The following FAT3 variants were observed in gnomAD, a reference collection of about 807,000 sequenced individuals.
FAT3 encodes the protein protocadherin Fat 3.
A neutral mutation model predicts 310.2 loss-of-function variants in FAT3; 95 were observed. The observed-to-expected ratio is 0.31, with a 90% CI of 0.26 to 0.36. FAT3 has a LOEUF of 0.36. Ranked by LOEUF, FAT3 falls within the 10% of genes least tolerant of loss-of-function variation. The pLI, the probability that FAT3 is intolerant of heterozygous loss-of-function variation, is 1.00. For missense variants in FAT3, 5,408 were observed against 5,715.6 expected (o/e 0.95, Z 1.74); for synonymous variants, 2,314 against 2,192.9 (o/e 1.06, Z -1.54).
intron 3 of FAT3, among the ~76,000 whole-genome samples, chr11:92,614,588 T>A (rs1270751793): frequency 6.6e-6 from 1 of 152,224 alleles, no homozygotes; most frequent in Non-Finnish European, 1.5e-5. Context: ...ATATAGCCGC[T>A]CATTTGGTAT....
chr11:92,858,478 C>T (rs998145120), intron 20 of FAT3, among the ~76,000 whole-genome samples: 9 of 152,118 alleles, frequency 5.9e-5, no homozygotes, highest in Non-Finnish European at 1.3e-4. Flanking sequence ...CCACATATTC[C>T]ACCTTTCCCC....
At chr11:92,681,065 A>G (rs548111673) in intron 3 of FAT3, among the ~76,000 whole-genome samples, 33 of 152,388 alleles carry the variant, frequency 2.2e-4, no homozygotes, top group African/African-American at 7.5e-4. Flanking sequence ...TTATATAGAC[A>G]TTCATTCTTT....
intron 3 of FAT3, among the ~76,000 whole-genome samples, chr11:92,597,213 T>C (rs937741585): frequency 6.6e-6 from 1 of 152,230 alleles, no homozygotes; most frequent in African/African-American, 2.4e-5. Flanking sequence ...CTTGACATAA[T>C]TATCTGTCAC....
chr11:92,477,277 G>A (rs1952074622), intron 2 of FAT3, among the ~76,000 whole-genome samples: 1 of 152,156 alleles, frequency 6.6e-6, no homozygotes, highest in African/African-American at 2.4e-5. Context: ...GGAGTTTCTG[G>A]TGTGAAGTGT....
intron 3 of FAT3, among the ~76,000 whole-genome samples, chr11:92,648,826 T>A (rs1942261225): frequency 6.6e-6 from 1 of 152,124 alleles, no homozygotes. Context: ...GATCCACATT[T>A]AAATAAGGCC....
chr11:92,566,173 G>C (rs181835395), intron 3 of FAT3, among the ~76,000 whole-genome samples: 1 of 152,120 alleles, frequency 6.6e-6, no homozygotes, highest in Admixed American at 6.6e-5. Context: ...AAGCTGATAA[G>C]CAACTTCAGC....
At chr11:92,561,219 A>G (rs926768181) in intron 3 of FAT3, among the ~76,000 whole-genome samples, 3 of 151,098 alleles carry the variant, frequency 2.0e-5, no homozygotes, top group Non-Finnish European at 4.4e-5. Context: ...CTATTCCTTC[A>G]GTATTGACAG....
chr11:92,601,238 A>T (rs1283531403), intron 3 of FAT3, among the ~76,000 whole-genome samples: 2 of 152,006 alleles, frequency 1.3e-5, no homozygotes, highest in Non-Finnish European at 2.9e-5. Flanking sequence ...ACAGGCAAAA[A>T]ACATTCCATA....
At chr11:92,784,123 C>G (rs941402204) in intron 7 of FAT3, among the ~76,000 whole-genome samples, 1 of 152,138 alleles carries the variant, frequency 6.6e-6, no homozygotes, top group Non-Finnish European at 1.5e-5. Context: ...TTGAGTCTGG[C>G]CTTGACATAG....
At chr11:92,346,958 C>T (rs1948437063) in intron 1 of FAT3, among the ~76,000 whole-genome samples, 1 of 152,156 alleles carries the variant, frequency 6.6e-6, no homozygotes, top group African/African-American at 2.4e-5. Flanking sequence ...CTAAAATCTG[C>T]CTTTATTAAT....
At chr11:92,869,649 A>T (rs999361444) in intron 22 of FAT3, among the ~76,000 whole-genome samples, 1 of 152,230 alleles carries the variant, frequency 6.6e-6, no homozygotes, top group Non-Finnish European at 1.5e-5. Context: ...ATTCGTGCCA[A>T]ACAGGGGAGA....
At chr11:92,669,882 A>G (rs1943077786) in intron 3 of FAT3, among the ~76,000 whole-genome samples, 1 of 152,224 alleles carries the variant, frequency 6.6e-6, no homozygotes, top group South Asian at 2.1e-4. Flanking sequence ...TAATCGCTAG[A>G]CAGCTGTTAC....
intron 6 of FAT3, 64 bp downstream of exon 6, chr11:92,765,153 A>AG: frequency 7.5e-7 from 1 of 1,340,764 alleles, no homozygotes; most frequent in Non-Finnish European, 1.0e-6. Context: ...AACTAGGAAA[A>AG]AAAAAAAAAA....
intron 3 of FAT3, among the ~76,000 whole-genome samples, chr11:92,599,607 A>G (rs1939909154): frequency 6.6e-6 from 1 of 152,224 alleles, no homozygotes; most frequent in African/African-American, 2.4e-5. Context: ...TCATTATCCC[A>G]GCCAAATATC....
At chr11:92,482,108 C>T (rs1952242950) in intron 2 of FAT3, among the ~76,000 whole-genome samples, 1 of 152,046 alleles carries the variant, frequency 6.6e-6, no homozygotes, top group African/African-American at 2.4e-5. Context: ...TACATTTAGA[C>T]ATCTTCAATG....
At chr11:92,291,054 C>G (rs976869515) in intron 1 of FAT3, among the ~76,000 whole-genome samples, 3 of 150,920 alleles carry the variant, frequency 2.0e-5, no homozygotes, top group Non-Finnish European at 4.4e-5. Flanking sequence ...TCATTAAGCT[C>G]TTACTCTGCT....
chr11:92,731,764 G>C (rs116443284), intron 4 of FAT3, among the ~76,000 whole-genome samples: 2 of 151,440 alleles, frequency 1.3e-5, no homozygotes, highest in African/African-American at 4.8e-5. Context: ...CTATGCCTTC[G>C]TCTGTATCCT....
chr11:92,786,705 T>C (rs1410746382), intron 7 of FAT3, among the ~76,000 whole-genome samples: 4 of 152,098 alleles, frequency 2.6e-5, no homozygotes, highest in African/African-American at 7.2e-5. Context: ...ACATATATAA[T>C]AATAAAACTA....
rs544822665 is a variant in FAT3 at position 92,564,133 on chromosome 11, A to G, written c.3607+39185A>G. Among the ~76,000 whole-genome samples, 5 of 152,374 alleles carry G rather than the reference A, an allele frequency of 3.3e-5. No homozygotes were observed. The South Asian group carries it at 1.0e-3, about 32-fold the overall frequency. ...CAAGACCCATCAGTGTGCTGTATTC[A>G]GTAAACCCATCTCACATGCAGAGAC... On this transcript the variant is annotated intron_variant, in intron 3 of 27. Coordinates refer to ENST00000525166, the MANE Select transcript of FAT3 (RefSeq NM_001367949.2).
Sources: gnomAD v4.1 joint callset for allele counts (sites outside exome capture counted in the v4.1 genomes callset) on GRCh38, gnomAD v4.1.1 for gene constraint, MANE v1.5 for transcripts, NCBI Gene and HGNC (gene_info 2026-07-23, HGNC 2026-07-21) for gene names.